The following PRR13 variants were observed in gnomAD, a reference collection of about 807,000 sequenced individuals.
The protein encoded by PRR13 is proline-rich protein 13.
Under a neutral mutation model 11.5 loss-of-function variants are expected in PRR13, and 7 were observed. The observed-to-expected ratio is 0.61, with a 90% CI of 0.34 to 1.14. The LOEUF is 1.14. Ranked by LOEUF, PRR13 falls within the 50% of genes most tolerant of loss-of-function variation. The pLI is 0.03. For synonymous variants in PRR13, 53 were observed against 67.8 expected (o/e 0.78, Z 1.07); for missense variants, 155 against 194.4 (o/e 0.80, Z 1.21).
At chr12:53,441,883 C>T (rs1289151966) in intron 1 of PRR13, 91 bp downstream of exon 1, 2 of 694,552 alleles carry the variant, frequency 2.9e-6, no homozygotes, top group Non-Finnish European at 5.2e-6. Context: ...TCTTCATTTG[C>T]CTTTTTTCTT....
chr12:53,446,103 C>T lies in PRR13; in HGVS notation c.*44C>T, dbSNP rs753737135. On this transcript the variant is annotated 3_prime_UTR_variant, in exon 4 of 4. Coordinates refer to ENST00000429243, the MANE Select transcript of PRR13 (RefSeq NM_018457.4). Reference sequence around the variant, plus strand: ...TCCCTCAAGTCTCACCAGTTCTGCTCTCCCATCAAGCTTCAGATGCCATGT... The same window carrying T: ...TCCCTCAAGTCTCACCAGTTCTGCTTTCCCATCAAGCTTCAGATGCCATGT... 1.9e-6 allele frequency: 3 copies of T among 1,611,190 alleles called. No homozygotes were observed. The highest frequency in any genetic ancestry group is 2.2e-5 in the South Asian group (2 of 91,010).
rs2136990059 is a variant in PRR13, at chr12:53,443,407, T to C, written c.36T>C (p.Asn12=). The change falls in exon 3 of 4, where the codon AAT becomes AAC. Residue 12 remains asparagine (N), a synonymous_variant. Coordinates refer to ENST00000429243, the MANE Select transcript of PRR13 (RefSeq NM_018457.4). ...TTCCACCAGGGCAGCCAGGGCCAAATCCATATCCCCCCAATATTGGGTGCC... is the reference window on the plus strand; with the variant it reads ...TTCCACCAGGGCAGCCAGGGCCAAACCCATATCCCCCCAATATTGGGTGCC... ...WNPNAGQPGP[N]PYPPNIGCPG... 6 of 1,410,376 alleles carry C rather than the reference T, an allele frequency of 4.3e-6. No homozygotes were observed. The highest frequency in any genetic ancestry group is 5.6e-6 in the Non-Finnish European group (6 of 1,074,868). 87.4% of individuals were successfully genotyped at this position (1,410,376 alleles called of 1,614,324 possible).
chr12:53,442,011 GGA>G (rs1940301481), intron 1 of PRR13: 1 of 596,638 alleles, frequency 1.7e-6, no homozygotes, highest in Non-Finnish European at 3.0e-6. Flanking sequence ...TCCTCCCCAG[GGA>G]GAGAGAAAGT....
Position 53,446,160 on chromosome 12 carries a change from C to T in PRR13, c.*101C>T, listed in dbSNP as rs1940397489. ...GGGGGAATGTAGCCCTTGTGCTCCC[C>T]ACCCCCTACCTCCACCTGAGCCTCA... On this transcript the variant is annotated 3_prime_UTR_variant, in exon 4 of 4. Coordinates refer to ENST00000429243, the MANE Select transcript of PRR13 (RefSeq NM_018457.4). 1.9e-6 allele frequency: 3 copies of T among 1,584,836 alleles called. No individual in the cohort carries two copies. The highest frequency in any genetic ancestry group is 2.6e-6 in the Non-Finnish European group (3 of 1,167,908).
intron 3 of PRR13, chr12:53,444,139 GA>G: frequency 2.6e-6 from 1 of 379,346 alleles, no homozygotes; most frequent in Non-Finnish European, 4.7e-6. Context: ...TCATTCCTTT[GA>G]CAAAGCAAGG....
intron 1 of PRR13, chr12:53,442,263 G>T (rs1940306190): frequency 9.5e-6 from 2 of 210,690 alleles, no homozygotes; most frequent in Non-Finnish European, 1.9e-5. Context: ...TTTTCTTTTT[G>T]AGACGGTGTC....
At chr12:53,442,757 C>T (rs1407613994) in intron 2 of PRR13, 24 bp downstream of exon 2, 1 of 1,598,922 alleles carries the variant, frequency 6.3e-7, no homozygotes, top group Non-Finnish European at 8.6e-7. Flanking sequence ...GGTTCTGTTC[C>T]ACCCCTAACC....
At chr12:53,444,455 G>T (rs867870246) in intron 3 of PRR13, among the ~76,000 whole-genome samples, 14 of 150,102 alleles carry the variant, frequency 9.3e-5, no homozygotes, top group South Asian at 2.2e-4. Flanking sequence ...TCAGCCTCCC[G>T]AGTAGCTGGG....
intron 1 of PRR13, 76 bp from the exon 2 acceptor site, chr12:53,442,619 A>C: frequency 7.8e-7 from 1 of 1,287,300 alleles, no homozygotes; most frequent in Non-Finnish European, 1.1e-6. Context: ...GGAAGACGTT[A>C]GGGCTGGGCT....
chr12:53,443,344 G>A, intron 2 of PRR13, 47 bp from the exon 3 acceptor site: 1 of 1,329,366 alleles, frequency 7.5e-7, no homozygotes, highest in South Asian at 2.5e-5. Flanking sequence ...GTTTGTTGTT[G>A]GAGACTCTGG....
chr12:53,446,102 T>C lies in PRR13; in HGVS notation c.*43T>C, dbSNP rs780064319. The C allele has an allele frequency of 2.5e-6, 4 of 1,611,022 alleles. No individual in the cohort carries two copies. Among genetic ancestry groups the C allele is most frequent in the Non-Finnish European group, 1.7e-6 (2 of 1,179,962 alleles). ...TTCCCTCAAGTCTCACCAGTTCTGC[T>C]CTCCCATCAAGCTTCAGATGCCATG... On this transcript the variant is annotated 3_prime_UTR_variant, in exon 4 of 4. Coordinates refer to ENST00000429243, the MANE Select transcript of PRR13 (RefSeq NM_018457.4).
chr12:53,442,744 G>C lies in PRR13; in HGVS notation c.19+11G>C, dbSNP rs1463237310. The C allele has an allele frequency of 6.2e-7, 1 of 1,608,634 alleles. No individual in the cohort carries two copies. Among genetic ancestry groups the C allele is most frequent in the Admixed American group, 1.7e-5 (1 of 59,984 alleles). On this transcript the variant is annotated intron_variant, in intron 2 of 3. Transcript: ENST00000429243. ...GGAATCCCAATGCCGGTAGGTGTTT[G>C]GGGGTTCTGTTCCACCCCTAACCCT... is the stretch of plus-strand genomic sequence containing the variant.
At chr12:53,443,360 T>A (rs1565847061) in intron 2 of PRR13, 31 bp from the exon 3 acceptor site, 4 of 1,362,452 alleles carry the variant, frequency 2.9e-6, no homozygotes, top group East Asian at 5.3e-5. Context: ...TCTGGGGAAT[T>A]CTAATGTTTA....
chr12:53,443,589 C>A lies in PRR13; in HGVS notation c.218C>A (p.Pro73Gln). The change falls in exon 3 of 4, where the codon CCG (proline) becomes CAG (glutamine). Residue 73 changes from proline (P) to glutamine (Q), a missense_variant. Transcript: ENST00000429243. Reference sequence around the variant, plus strand: ...CAGCCAGGGTATCCAGGATGCCAACCGTTGGGTCCCTACCCTCCTCCATAC... The same window carrying A: ...CAGCCAGGGTATCCAGGATGCCAACAGTTGGGTCCCTACCCTCCTCCATAC... ...VPQPGYPGCQPLGPYPPPYPP... is the reference protein window; with the variant it reads ...VPQPGYPGCQQLGPYPPPYPP... 1.2e-6 allele frequency: 2 copies of A among 1,611,054 alleles called. No individual in the cohort carries two copies. The highest frequency in any genetic ancestry group is 1.7e-6 in the Non-Finnish European group (2 of 1,178,488).
At chr12:53,442,808 G>A in intron 2 of PRR13, 75 bp downstream of exon 2, 1 of 1,500,788 alleles carries the variant, frequency 6.7e-7, no homozygotes, top group East Asian at 2.3e-5. Flanking sequence ...TTCTGTATCA[G>A]CTCCCCTACC....
chr12:53,442,759 C>T, intron 2 of PRR13, 26 bp downstream of exon 2: 1 of 1,598,962 alleles, frequency 6.3e-7, no homozygotes, highest in South Asian at 1.1e-5. Flanking sequence ...TTCTGTTCCA[C>T]CCCTAACCCT....
At chr12:53,442,870 T>C (rs1940322702) in intron 2 of PRR13, 137 bp downstream of exon 2, 3 of 696,534 alleles carry the variant, frequency 4.3e-6, no homozygotes, top group Non-Finnish European at 6.8e-6. Context: ...AGCTGACCAG[T>C]GCTTTTTAAT....
In PRR13 at chr12:53,443,595, G is replaced by A; in HGVS notation, c.224G>A (p.Gly75Asp). ...GGGTATCCAGGATGCCAACCGTTGGGTCCCTACCCTCCTCCATACCCACCG... is the reference window on the plus strand; with the variant it reads ...GGGTATCCAGGATGCCAACCGTTGGATCCCTACCCTCCTCCATACCCACCG... The part of the protein sequence containing the change: ...QPGYPGCQPL[G>D]PYPPPYPPPA... The change falls in exon 3 of 4, where the codon GGT becomes GAT. Residue 75 changes from glycine (G) to aspartate (D), a missense_variant. By Grantham distance (94) the Gly-to-Asp change is moderately conservative (BLOSUM62 -1). Transcript: ENST00000429243. 6.2e-7 allele frequency: 1 copy of A among 1,612,468 alleles called. No homozygotes were observed. The highest frequency in any genetic ancestry group is 1.3e-5 in the African/African-American group (1 of 74,856).
chr12:53,446,120 A>G lies in PRR13; in HGVS notation c.*61A>G. 1 of 1,609,498 alleles carries G rather than the reference A, an allele frequency of 6.2e-7. No individual in the cohort carries two copies. Among genetic ancestry groups the G allele is most frequent in the Non-Finnish European group, 8.5e-7 (1 of 1,179,868 alleles). ...GTTCTGCTCTCCCATCAAGCTTCAG[A>G]TGCCATGTTGTACTGGGGGAATGTA... On this transcript the variant is annotated 3_prime_UTR_variant, in exon 4 of 4. Transcript: ENST00000429243.
Sources: gnomAD v4.1 joint callset for allele counts (sites outside exome capture counted in the v4.1 genomes callset) on GRCh38, gnomAD v4.1.1 for gene constraint, MANE v1.5 for transcripts, NCBI Gene and HGNC (gene_info 2026-07-23, HGNC 2026-07-21) for gene names.